ERH: variants seen among roughly 807,000 people sequenced by gnomAD.
ERH encodes ERH mRNA splicing and mitosis factor.
In ERH, 1 loss-of-function variant was observed where a neutral mutation model predicts 16.8. The observed-to-expected ratio is 0.06, with a 90% confidence interval of 0.02 to 0.28. The LOEUF is 0.28. ERH is among the 10% of genes least tolerant of loss of function. ERH has a pLI of 1.00. For missense variants in ERH, 42 were observed against 127.5 expected, an observed-to-expected ratio of 0.33 and a Z score of 3.23; for synonymous variants, 43 against 43.6, an observed-to-expected ratio of 0.99 and a Z score of 0.05.
At chr14:69,389,909 C>T (rs1442506048) in intron 2 of ERH, among the ~76,000 whole-genome samples, 2 of 152,120 alleles carry the variant, frequency 1.3e-5, no homozygotes, top group African/African-American at 2.4e-5. Flanking sequence ...CAGGTACGCG[C>T]CACCATGCCC....
At chr14:69,393,143 C>T (rs1882254572) in intron 2 of ERH, among the ~76,000 whole-genome samples, 1 of 152,126 alleles carries the variant, frequency 6.6e-6, no homozygotes. Context: ...GTGGCGAAAC[C>T]CTGTCTTTAC....
intron 2 of ERH, among the ~76,000 whole-genome samples, chr14:69,388,152 C>T (rs2045903738): frequency 2.0e-5 from 3 of 152,138 alleles, no homozygotes; most frequent in South Asian, 4.1e-4. Flanking sequence ...CTGAACCACA[C>T]CTGTCAAACA....
intron 2 of ERH, among the ~76,000 whole-genome samples, chr14:69,392,779 G>C (rs1882247170): frequency 6.6e-6 from 1 of 152,184 alleles, no homozygotes; most frequent in Admixed American, 6.5e-5. Context: ...AAATTGTGTA[G>C]GGGTGAAGAA....
intron 3 of ERH, among the ~76,000 whole-genome samples, chr14:69,382,834 G>A (rs2045871020): frequency 6.7e-6 from 1 of 150,330 alleles, no homozygotes; most frequent in South Asian, 2.1e-4. Flanking sequence ...TTTATGGAAA[G>A]CTGTGTGTCG....
At chr14:69,380,923 A>G (rs952765397) in intron 3 of ERH, among the ~76,000 whole-genome samples, 1 of 152,252 alleles carries the variant, frequency 6.6e-6, no homozygotes, top group African/African-American at 2.4e-5. Context: ...GTATGACCAG[A>G]AACCATGTGT....
chr14:69,388,643 T>C (rs1384725414), intron 2 of ERH, among the ~76,000 whole-genome samples: 3 of 152,214 alleles, frequency 2.0e-5, no homozygotes, highest in Admixed American at 2.0e-4. Context: ...ATTACAGGCT[T>C]GAGCCATCGT....
chr14:69,394,098 A>T (rs1333077607), intron 2 of ERH, among the ~76,000 whole-genome samples: 2 of 152,128 alleles, frequency 1.3e-5, no homozygotes, highest in Non-Finnish European at 2.9e-5. Context: ...GTATCCCTTA[A>T]ATCTATTAAA....
At chr14:69,396,300 T>C (rs1200925234) in intron 1 of ERH, among the ~76,000 whole-genome samples, 3 of 152,246 alleles carry the variant, frequency 2.0e-5, no homozygotes, top group African/African-American at 7.2e-5. Flanking sequence ...TTGTTCCTGT[T>C]GCCCAGGCTG....
rs150625815 is a variant in ERH at position 69,394,705 on chromosome 14, T to C, written c.91+120A>G. The C allele has an allele frequency of 1.2e-4, 72 of 594,398 alleles. No homozygotes were observed. The African/African-American group carries it at 1.2e-3, about 10-fold the overall frequency. The allele number at this position is 594,398 out of a possible 1,614,324, so 36.8% of individuals were successfully genotyped here. A position where few individuals can be genotyped will look rare whatever the true frequency, so the allele number is the denominator to read the frequency against. ...TTAGCAATTCAATAAATTTGGAGGG[T>C]TGGAAGTGATAAAGGCAGGGCCTGG... On this transcript the variant is annotated intron_variant, in intron 2 of 3. Coordinates refer to ENST00000557016, the MANE Select transcript of ERH (RefSeq NM_004450.3).
intron 2 of ERH, among the ~76,000 whole-genome samples, chr14:69,388,682 C>A (rs1244408643): frequency 6.6e-6 from 1 of 152,040 alleles, no homozygotes; most frequent in East Asian, 1.9e-4. Flanking sequence ...CTTTCTTATT[C>A]CCACAAAAGG....
intron 2 of ERH, 81 bp from the exon 3 acceptor site, chr14:69,387,164 T>C: frequency 9.0e-7 from 1 of 1,115,732 alleles, no homozygotes; most frequent in Non-Finnish European, 1.3e-6. Context: ...AGCTGTGCTA[T>C]ATGTTGATAT....
chr14:69,385,255 T>G (rs1815565911), intron 3 of ERH, among the ~76,000 whole-genome samples: 2 of 152,172 alleles, frequency 1.3e-5, no homozygotes, highest in African/African-American at 2.4e-5. Context: ...TGATTTCACT[T>G]TAAATCACTA....
intron 3 of ERH, among the ~76,000 whole-genome samples, chr14:69,381,865 T>G (rs930262293): frequency 3.3e-5 from 5 of 152,194 alleles, no homozygotes; most frequent in African/African-American, 1.2e-4. Flanking sequence ...ATGTTTTGTA[T>G]TTTTAGTAGA....
intron 1 of ERH, among the ~76,000 whole-genome samples, chr14:69,395,488 C>T (rs1882314876): frequency 6.6e-6 from 1 of 152,140 alleles, no homozygotes; most frequent in African/African-American, 2.4e-5. Context: ...CTTTTCTTCC[C>T]AACTAAATTA....
intron 2 of ERH, among the ~76,000 whole-genome samples, chr14:69,389,460 G>A (rs556964349): frequency 1.3e-5 from 2 of 152,300 alleles, no homozygotes; most frequent in East Asian, 3.9e-4. Context: ...AAGAAAAAGA[G>A]ATAACAGGCC....
chr14:69,398,282 CACGAGCTTA>C lies in ERH; in HGVS notation c.-58_-50del. The C allele has an allele frequency of 6.2e-7, 1 of 1,613,614 alleles. No individual in the cohort carries two copies. Among genetic ancestry groups the C allele is most frequent in the African/African-American group, 1.3e-5 (1 of 75,040 alleles). ...GCAGCTGCCGACACCGCCGCCGTTA[CACGAGCTTA>C]ACTACAACGCCGCTAACAGCCAATC... On this transcript the variant is annotated 5_prime_UTR_variant, in exon 1 of 4. Coordinates refer to ENST00000557016, the MANE Select transcript of ERH (RefSeq NM_004450.3).
In ERH at chr14:69,386,958, C is replaced by A; in HGVS notation, c.212+5G>T. The stretch of plus-strand genomic sequence containing the variant: ...AAGATAAAAGACATGTTGGCTAATA[C>A]TTACACCAGGCAGCTGAGGTCTGCC... On this transcript the variant is annotated splice_donor_5th_base_variant and intron_variant, in intron 3 of 3. Transcript: ENST00000557016. 1 of 1,613,008 alleles carries A rather than the reference C, an allele frequency of 6.2e-7. No individual in the cohort carries two copies. Among genetic ancestry groups the A allele is most frequent in the Non-Finnish European group, 8.5e-7 (1 of 1,179,804 alleles).
chr14:69,398,188 G>A (rs1882417148), intron 1 of ERH, 43 bp downstream of exon 1: 2 of 1,613,564 alleles, frequency 1.2e-6, no homozygotes, highest in Non-Finnish European at 1.7e-6. Context: ...TCGCTCTGGA[G>A]GCCGGGGACT....
Position 69,387,727 on chromosome 14 carries a change from G to C in ERH, c.92-644C>G, listed in dbSNP as rs149198003. Among the ~76,000 whole-genome samples, 783 of 134,778 alleles carry C rather than the reference G, an allele frequency of 5.8e-3. 11 individuals are homozygous for C. The highest frequency in any genetic ancestry group is 0.021 in the African/African-American group (728 of 35,032). 88.4% of individuals were successfully genotyped at this position (134,778 alleles called of 152,430 possible). On this transcript the variant is annotated intron_variant, in intron 2 of 3. Transcript: ENST00000557016. ...AAAAAAAAAATTGGCAACAAGGAAA[G>C]AGATTATCCTAATGTATATTTAAGA...
Sources: gnomAD v4.1 joint callset for allele counts (sites outside exome capture counted in the v4.1 genomes callset) on GRCh38, gnomAD v4.1.1 for gene constraint, MANE v1.5 for transcripts, NCBI Gene and HGNC (gene_info 2026-07-23, HGNC 2026-07-21) for gene names.